LOC400499: variants seen among roughly 807,000 people sequenced by gnomAD.
the LOC400499 span, chr16:11,469,696 G>C: frequency 2.5e-6 from 1 of 398,982 alleles, no homozygotes; most frequent in Non-Finnish European, 4.4e-6. Context: ...TCAAGATTGA[G>C]AGCCTCCACC....
chr16:11,478,114 AC>A, the LOC400499 span: 1 of 390,576 alleles, frequency 2.6e-6, no homozygotes, highest in Non-Finnish European at 4.5e-6. Context: ...AGAGTTTGAG[AC>A]CAGCCTGGCC....
chr16:11,444,519 C>T, the LOC400499 span, among the ~76,000 whole-genome samples: 2 of 152,304 alleles, frequency 1.3e-5, no homozygotes, highest in Non-Finnish European at 2.9e-5. Context: ...GTATTATTCA[C>T]GGTGCTCTTG....
At chr16:11,378,094 T>G in the LOC400499 span, among the ~76,000 whole-genome samples, 1 of 152,226 alleles carries the variant, frequency 6.6e-6, no homozygotes, top group Non-Finnish European at 1.5e-5. Context: ...GAAGGTTAGG[T>G]TGTTGGTTTG....
the LOC400499 span, among the ~76,000 whole-genome samples, chr16:11,441,524 A>C: frequency 6.6e-6 from 1 of 151,620 alleles, no homozygotes; most frequent in Non-Finnish European, 1.5e-5. Flanking sequence ...AAGAACACTC[A>C]TTGCACGATG....
At chr16:11,487,848 G>A in the LOC400499 span, among the ~76,000 whole-genome samples, 1 of 152,124 alleles carries the variant, frequency 6.6e-6, no homozygotes, top group East Asian at 1.9e-4. Context: ...AGGCACAGTG[G>A]CTCATGCCTG....
the LOC400499 span, chr16:11,393,424 T>C: frequency 1.6e-6 from 2 of 1,232,164 alleles, no homozygotes; most frequent in Admixed American, 4.2e-5. Context: ...TGCAGACAGC[T>C]TGGGGCCCGG....
At chr16:11,502,047 G>T in the LOC400499 span, 9 of 399,054 alleles carry the variant, frequency 2.3e-5, no homozygotes, top group African/African-American at 1.8e-4. Context: ...CCAGCTCCTA[G>T]TCCATCCCCC....
chr16:11,426,315 C>A, the LOC400499 span, among the ~76,000 whole-genome samples: 10 of 152,178 alleles, frequency 6.6e-5, no homozygotes, highest in South Asian at 2.1e-4. Context: ...GCATGCCTGT[C>A]ATCCCAGCTA....
At chr16:11,515,054 C>T in the LOC400499 span, among the ~76,000 whole-genome samples, 1 of 152,100 alleles carries the variant, frequency 6.6e-6, no homozygotes, top group Non-Finnish European at 1.5e-5. Flanking sequence ...TCCCGTAGTT[C>T]CAGCACTTGG....
At chr16:11,462,338 C>T in the LOC400499 span, 49 of 1,439,092 alleles carry the variant, frequency 3.4e-5, no homozygotes, top group African/African-American at 6.0e-4. Context: ...GGAGGACAGG[C>T]TTGGCCAGCA....
At chr16:11,505,718 T>G in the LOC400499 span, among the ~76,000 whole-genome samples, 106,538 of 151,702 alleles carry the variant, frequency 0.7, 37,863 homozygotes, top group Admixed American at 0.76. Flanking sequence ...CAAAGTGCTG[T>G]GTTTACAGGT....
At chr16:11,507,107 C>T in the LOC400499 span, among the ~76,000 whole-genome samples, 1 of 152,312 alleles carries the variant, frequency 6.6e-6, no homozygotes, top group South Asian at 2.1e-4. Flanking sequence ...GCCACCCCTG[C>T]CAGGGGAAAT....
At chr16:11,511,226 G>A in the LOC400499 span, among the ~76,000 whole-genome samples, 1 of 152,028 alleles carries the variant, frequency 6.6e-6, no homozygotes, top group Admixed American at 6.6e-5. Context: ...CAAACTCCTG[G>A]GCTCAAGCAA....
the LOC400499 span, among the ~76,000 whole-genome samples, chr16:11,525,021 A>G: frequency 2.0e-4 from 31 of 152,308 alleles, no homozygotes; most frequent in Middle Eastern, 3.4e-3. Flanking sequence ...ACGGTGGCTC[A>G]TGCCTGTAAT....
At chr16:11,459,114 T>G in the LOC400499 span, among the ~76,000 whole-genome samples, 16 of 151,008 alleles carry the variant, frequency 1.1e-4, no homozygotes, top group Non-Finnish European at 2.1e-4. Flanking sequence ...TTAGCCACAA[T>G]TAAAATTAAA....
chr16:11,393,173 A>G, the LOC400499 span, among the ~76,000 whole-genome samples: 1 of 115,008 alleles, frequency 8.7e-6, no homozygotes, highest in African/African-American at 3.6e-5. Context: ...CCTTTTTTTT[A>G]AGTAGAGACG....
the LOC400499 span, chr16:11,500,870 C>T: frequency 3.3e-5 from 13 of 399,192 alleles, no homozygotes; most frequent in South Asian, 1.3e-4. Flanking sequence ...GCCACGCCTC[C>T]ACCTCGTCTG....
At chr16:11,460,418 T>C in the LOC400499 span, 2 of 1,464,852 alleles carry the variant, frequency 1.4e-6, no homozygotes, top group Non-Finnish European at 1.8e-6. Context: ...GGTACTCAGA[T>C]CACCACTTGC....
chr16:11,465,559 G>A, the LOC400499 span: 1 of 151,798 alleles, frequency 6.6e-6, no homozygotes, highest in Non-Finnish European at 1.5e-5. Context: ...AGCACCTACT[G>A]AGATGAAAAC....
Sources: gnomAD v4.1 joint callset for allele counts (sites outside exome capture counted in the v4.1 genomes callset) on GRCh38, gnomAD v4.1.1 for gene constraint, MANE v1.5 for transcripts.